Variants in ZHX2 observed in about 807,000 individuals in gnomAD.
ZHX2 encodes the protein zinc fingers and homeoboxes 2, also known as zinc fingers and homeoboxes protein 2.
A neutral mutation model predicts 21.9 loss-of-function variants in ZHX2; 6 were observed. That is an observed-to-expected ratio of 0.27 (90% confidence interval 0.15 to 0.54). ZHX2 has a LOEUF of 0.54. Ranked by LOEUF, ZHX2 falls within the 20% of genes least tolerant of loss-of-function variation. The pLI, the probability that ZHX2 is intolerant of heterozygous loss-of-function variation, is 0.95. For synonymous variants in ZHX2, 434 were observed against 437.1 expected, an observed-to-expected ratio of 0.99 and a Z score of 0.09; for missense variants, 908 against 1,090.7, an observed-to-expected ratio of 0.83 and a Z score of 2.36.
chr8:122,781,148 G>A (rs1817269835), upstream of ZHX2: 1 of 152,208 alleles, frequency 6.6e-6, no homozygotes, highest in African/African-American at 2.4e-5. The surrounding 1 kb of genome is among the most constrained non-coding windows in gnomAD (Gnocchi z 4.6). Context: ...CAGGGTGCGT[G>A]GTGGCCCCAC....
intron 1 of ZHX2, among the ~76,000 whole-genome samples, chr8:122,840,445 GAAT>G (rs1818599468): frequency 1.3e-5 from 2 of 152,266 alleles, no homozygotes; most frequent in Middle Eastern, 3.4e-3. Flanking sequence ...TGCAAAATGG[GAAT>G]AATGATAGTA....
intron 2 of ZHX2, among the ~76,000 whole-genome samples, chr8:122,936,764 C>G (rs993681512): frequency 6.6e-6 from 1 of 152,200 alleles, no homozygotes; most frequent in Non-Finnish European, 1.5e-5. Flanking sequence ...TTCAGCTCAG[C>G]GCCCAGGCAT....
At chr8:122,860,041 G>A (rs748455867) in intron 1 of ZHX2, among the ~76,000 whole-genome samples, 1 of 152,206 alleles carries the variant, frequency 6.6e-6, no homozygotes, top group Non-Finnish European at 1.5e-5. Flanking sequence ...AAGGAAAGAG[G>A]TTTAATTGAC....
intron 1 of ZHX2, among the ~76,000 whole-genome samples, chr8:122,790,349 C>T (rs1003729766): frequency 1.3e-5 from 2 of 152,136 alleles, no homozygotes; most frequent in Admixed American, 6.5e-5. Context: ...TTTGTTTCCT[C>T]GGCCAGCTAG....
At chr8:122,789,700 A>G (rs1489059130) in intron 1 of ZHX2, among the ~76,000 whole-genome samples, 1 of 152,204 alleles carries the variant, frequency 6.6e-6, no homozygotes, top group Admixed American at 6.5e-5. Context: ...GGAGAAAGAG[A>G]CTGCCCTCTG....
chr8:122,844,977 C>G (rs1009769576), intron 1 of ZHX2, among the ~76,000 whole-genome samples: 1 of 151,564 alleles, frequency 6.6e-6, no homozygotes, highest in Non-Finnish European at 1.5e-5. Context: ...TTGCCTAATA[C>G]CCCCTGCCCA....
intron 1 of ZHX2, among the ~76,000 whole-genome samples, chr8:122,843,651 G>C (rs1818686772): frequency 6.6e-6 from 1 of 152,206 alleles, no homozygotes. Context: ...CCACTTTAGT[G>C]GGTTTCTGCC....
At chr8:122,818,849 A>G (rs931220448) in intron 1 of ZHX2, among the ~76,000 whole-genome samples, 1 of 152,104 alleles carries the variant, frequency 6.6e-6, no homozygotes, top group African/African-American at 2.4e-5. Flanking sequence ...AACTGTAGGG[A>G]TGGTTGGGAC....
intron 1 of ZHX2, among the ~76,000 whole-genome samples, chr8:122,804,354 C>G (rs547720401): frequency 5.9e-5 from 9 of 152,310 alleles, no homozygotes; most frequent in Non-Finnish European, 1.3e-4. Context: ...AATGATCCAC[C>G]CACCTCGGCA....
At chr8:122,862,489 C>T (rs1819190773) in intron 1 of ZHX2, among the ~76,000 whole-genome samples, 1 of 152,214 alleles carries the variant, frequency 6.6e-6, no homozygotes, top group Admixed American at 6.5e-5. Context: ...AGGCTGCTCC[C>T]ATACCGTAGG....
chr8:122,952,998 G>A lies in ZHX2; in HGVS notation c.1488G>A (p.Arg496=), dbSNP rs1289990208. The change falls in exon 3 of 4, where the codon AGG becomes AGA. Residue 496 remains arginine, a synonymous_variant. Transcript: ENST00000314393. This position sits in a 1 kb window ranked among gnomAD's most constrained non-coding sequence, Gnocchi z 6.9. ...GTGACCACCGATATCGGTGTCAAAG[G>A]GGCATCGTCCACATCACCAGCGAAT... is the stretch of plus-strand genomic sequence containing the variant. ...WFSDHRYRCQ[R]GIVHITSESL... 4.3e-6 allele frequency: 7 copies of A among 1,613,826 alleles called. No homozygotes were observed. In the African/African-American group the frequency reaches 5.3e-5, roughly 12 times the overall value.
At position 122,856,797 on chromosome 8, in the gene ZHX2, G is replaced by A. The variant is rs187848662; in HGVS notation, c.-282-6680G>A. Among the ~76,000 whole-genome samples the A allele has an allele frequency of 2.1e-3, 313 of 152,216 alleles. 4 individuals carry two copies. Among genetic ancestry groups the A allele is most frequent in the Non-Finnish European group, 7.9e-4 (54 of 68,016 alleles). On this transcript the variant is annotated intron_variant, in intron 1 of 3. Transcript: ENST00000314393. ...TTGCTGGGGGATCTGAAAGGGGCCC[G>A]GAGGTGAAAAGGACACATCTTTCCA...
chr8:122,918,715 G>A (rs1431989073), intron 2 of ZHX2, among the ~76,000 whole-genome samples: 1 of 152,156 alleles, frequency 6.6e-6, no homozygotes, highest in Non-Finnish European at 1.5e-5. Context: ...GGGAGGCCGA[G>A]GCATGTGGAT....
intron 1 of ZHX2, among the ~76,000 whole-genome samples, chr8:122,821,163 C>A (rs1478112681): frequency 1.3e-5 from 2 of 152,234 alleles, no homozygotes; most frequent in Middle Eastern, 3.2e-3. Flanking sequence ...TGCGCTGGTT[C>A]TGCAGGGACC....
At chr8:122,857,644 C>G (rs1033842126) in intron 1 of ZHX2, among the ~76,000 whole-genome samples, 3 of 152,142 alleles carry the variant, frequency 2.0e-5, no homozygotes, top group African/African-American at 7.2e-5. Context: ...TTTTCCACAA[C>G]TCCAGTTACA....
At chr8:122,871,724 A>AG (rs2129700328) in intron 2 of ZHX2, among the ~76,000 whole-genome samples, 1 of 80,162 alleles carries the variant, frequency 1.2e-5, no homozygotes, top group East Asian at 3.9e-4. Flanking sequence ...TTCCTTTCTC[A>AG]GGGCAAAAAA....
At chr8:122,866,223 TC>T (rs1819292080) in intron 2 of ZHX2, among the ~76,000 whole-genome samples, 1 of 152,220 alleles carries the variant, frequency 6.6e-6, no homozygotes, top group Non-Finnish European at 1.5e-5. Context: ...GCCACACAGT[TC>T]CCTGTTCCTT....
chr8:122,857,246 A>G (rs1819048416), intron 1 of ZHX2, among the ~76,000 whole-genome samples: 1 of 151,858 alleles, frequency 6.6e-6, no homozygotes, highest in African/African-American at 2.4e-5. Context: ...GGTTCACCTA[A>G]TCTCCCCATA....
At chr8:122,785,220 A>G (rs947753016) in intron 1 of ZHX2, among the ~76,000 whole-genome samples, 1 of 152,242 alleles carries the variant, frequency 6.6e-6, no homozygotes, top group African/African-American at 2.4e-5. Context: ...GGTGTAGCCA[A>G]TATCACTGCA....
Sources: gnomAD v4.1 joint callset for allele counts (sites outside exome capture counted in the v4.1 genomes callset) on GRCh38, gnomAD v4.1.1 for gene constraint, Gnocchi (gnomAD v3.1) non-coding constraint, MANE v1.5 for transcripts, NCBI Gene and HGNC (gene_info 2026-07-23, HGNC 2026-07-21) for gene names.